The following EPHB2 variants were observed in gnomAD, a reference collection of about 807,000 sequenced individuals.
EPHB2 encodes ephrin type-B receptor 2.
EPHB2 carries 18 observed loss-of-function variants against 96.4 expected under a neutral mutation model. The ratio of observed to expected loss-of-function variants is 0.19; its 90% CI spans 0.13 to 0.28. EPHB2 has a LOEUF of 0.28. EPHB2 is among the 10% of genes least tolerant of loss of function. The pLI, the probability that EPHB2 is intolerant of heterozygous loss-of-function variation, is 1.00. For synonymous variants in EPHB2, 506 were observed against 534.1 expected, an observed-to-expected ratio of 0.95 and a Z score of 0.72; for missense variants, 989 against 1,355.4, an observed-to-expected ratio of 0.73 and a Z score of 4.25.
At chr1:22,869,720 G>T (rs548071468) in intron 5 of EPHB2, among the ~76,000 whole-genome samples, 2 of 152,162 alleles carry the variant, frequency 1.3e-5, no homozygotes, top group African/African-American at 4.8e-5. Context: ...GCCTGGAAAG[G>T]CTTTCTTATC....
chr1:22,800,702 A>ATG (rs59671872), intron 3 of EPHB2, among the ~76,000 whole-genome samples: 80,700 of 148,686 alleles, frequency 0.54, 23,320 homozygotes, highest in Non-Finnish European at 0.66. Flanking sequence ...GTGTGAGTAT[A>ATG]TGTGTGTGTG....
chr1:22,745,259 A>G (rs1212460450), intron 1 of EPHB2, among the ~76,000 whole-genome samples: 1 of 152,256 alleles, frequency 6.6e-6, no homozygotes, highest in Non-Finnish European at 1.5e-5. Flanking sequence ...ACGCAGGAAT[A>G]AAAAAGAACA....
In EPHB2 at chr1:22,860,482, A is replaced by T. The variant is rs1645777851; in HGVS notation, c.812-2555A>T. On this transcript the variant is annotated intron_variant, in intron 3 of 15. Transcript: ENST00000374630. The surrounding 1 kb of genome is among the most constrained non-coding windows in gnomAD (Gnocchi z 4.6). ...CAACAGAGCAAATGAAGGGCGGCTT[A>T]GGGCAGGGGCAGCCTGGGGAGTCTG... 6.6e-6 allele frequency among the ~76,000 whole-genome samples: 1 copy of T among 152,146 alleles called. No homozygotes were observed. The highest frequency in any genetic ancestry group is 1.5e-5 in the Non-Finnish European group (1 of 68,018).
chr1:22,732,701 G>T (rs1351796439), intron 1 of EPHB2, among the ~76,000 whole-genome samples: 2 of 152,180 alleles, frequency 1.3e-5, no homozygotes, highest in Admixed American at 1.3e-4. Flanking sequence ...GCCCTCTAAG[G>T]TCCATTAACA....
intron 6 of EPHB2, among the ~76,000 whole-genome samples, chr1:22,889,764 G>C (rs1216064644): frequency 1.3e-5 from 2 of 152,164 alleles, no homozygotes; most frequent in East Asian, 3.9e-4. Flanking sequence ...AACAGTGCTT[G>C]CAAAAACTCA....
In EPHB2 at chr1:22,785,062, G is replaced by T; in HGVS notation, c.797G>T (p.Gly266Val). ...CKAGFEAVENGTVCRGCPSGT... is the reference protein window; with the variant it reads ...CKAGFEAVENVTVCRGCPSGT... ...GCAGGCTTCGAGGCCGTTGAGAATG[G>T]CACCGTCTGCCGAGGTAAGGGCCAG... Residue 266 changes from glycine (G) to valine (V), a missense_variant, in exon 3 of 16, where the codon GGC becomes GTC. By Grantham distance (109) the Gly-to-Val change is moderately radical. Transcript: ENST00000374630. 1 of 1,613,548 alleles carries T rather than the reference G, an allele frequency of 6.2e-7. No homozygotes were observed. The highest frequency in any genetic ancestry group is 8.5e-7 in the Non-Finnish European group (1 of 1,180,054).
At chr1:22,801,421 A>G (rs1263226767) in intron 3 of EPHB2, among the ~76,000 whole-genome samples, 2 of 151,990 alleles carry the variant, frequency 1.3e-5, no homozygotes, top group African/African-American at 4.8e-5. Flanking sequence ...AGCTGGTGTT[A>G]TCCGCCTTCC....
chr1:22,855,652 A>G (rs1645687368), intron 3 of EPHB2, among the ~76,000 whole-genome samples: 1 of 152,228 alleles, frequency 6.6e-6, no homozygotes, highest in Non-Finnish European at 1.5e-5. Context: ...CACATAGCAA[A>G]TGGAGGCCAA....
intron 3 of EPHB2, among the ~76,000 whole-genome samples, chr1:22,852,868 A>G (rs1013061321): frequency 2.0e-5 from 3 of 152,202 alleles, no homozygotes; most frequent in African/African-American, 4.8e-5. Flanking sequence ...GGCTGCCCTC[A>G]TGGAGCTCAC....
intron 3 of EPHB2, among the ~76,000 whole-genome samples, chr1:22,861,453 C>T (rs1638256268): frequency 6.6e-6 from 1 of 151,806 alleles, no homozygotes. Context: ...GCCTGAGCAA[C>T]ATAGTGAGAC....
At position 22,780,428 on chromosome 1, in the gene EPHB2, T is replaced by C. The variant is rs139948295; in HGVS notation, c.62-993T>C. Among the ~76,000 whole-genome samples the C allele has an allele frequency of 8.0e-3, 1,220 of 152,214 alleles. 16 individuals carry two copies. The highest frequency in any genetic ancestry group is 0.028 in the African/African-American group (1,158 of 41,552). ...GTGCTTGCTCTCAACACTTCTCCACTCCTGGGACCCTGTCCTGGGGGCAGA... is the reference window on the plus strand; with the variant it reads ...GTGCTTGCTCTCAACACTTCTCCACCCCTGGGACCCTGTCCTGGGGGCAGA... On this transcript the variant is annotated intron_variant, in intron 1 of 15. Coordinates refer to ENST00000374630, the MANE Select transcript of EPHB2 (RefSeq NM_017449.5).
intron 12 of EPHB2, 139 bp from the exon 13 acceptor site, chr1:22,908,883 G>C: frequency 7.3e-7 from 1 of 1,363,816 alleles, no homozygotes; most frequent in East Asian, 2.5e-5. Context: ...CCAGTGGTCT[G>C]AAGCTGCATG....
intron 3 of EPHB2, among the ~76,000 whole-genome samples, chr1:22,857,829 C>G (rs1398787573): frequency 6.6e-6 from 1 of 152,116 alleles, no homozygotes; most frequent in African/African-American, 2.4e-5. Flanking sequence ...CTGTACACAT[C>G]AAGTGCCTAC....
intron 3 of EPHB2, among the ~76,000 whole-genome samples, chr1:22,830,737 A>G (rs1433529409): frequency 6.6e-6 from 1 of 150,950 alleles, no homozygotes; most frequent in Admixed American, 6.6e-5. Context: ...TTGTATTTTT[A>G]GTAGAGATGG....
chr1:22,801,063 G>C (rs1644836267), intron 3 of EPHB2, among the ~76,000 whole-genome samples: 1 of 152,206 alleles, frequency 6.6e-6, no homozygotes, highest in African/African-American at 2.4e-5. Context: ...GGGGTACAGG[G>C]GGCAGGCTCC....
At chr1:22,727,193 GC>G (rs901447388) in intron 1 of EPHB2, among the ~76,000 whole-genome samples, 1 of 152,212 alleles carries the variant, frequency 6.6e-6, no homozygotes, top group African/African-American at 2.4e-5. Context: ...CAAGCTGGAG[GC>G]CAGGAGGGGC....
At chr1:22,819,647 G>A (rs1403386098) in intron 3 of EPHB2, among the ~76,000 whole-genome samples, 1 of 152,182 alleles carries the variant, frequency 6.6e-6, no homozygotes, top group African/African-American at 2.4e-5. Context: ...TTGACATGTC[G>A]TCACTGTCCC....
At chr1:22,832,897 C>CAG (rs10675382) in intron 3 of EPHB2, among the ~76,000 whole-genome samples, 105,473 of 151,878 alleles carry the variant, frequency 0.69, 37,013 homozygotes, top group East Asian at 0.87. Flanking sequence ...GTATAAGTAA[C>CAG]AGTCATGCAT....
intron 2 of EPHB2, among the ~76,000 whole-genome samples, chr1:22,783,854 G>A (rs10917297): frequency 0.12 from 19,013 of 152,104 alleles, 1,827 homozygotes; most frequent in East Asian, 0.55. Context: ...CCAGAGCAGA[G>A]CTGTTCTCAT....
Sources: allele counts gnomAD v4.1 joint callset (sites outside exome capture counted in the v4.1 genomes callset), GRCh38; gene constraint gnomAD v4.1.1; non-coding constraint Gnocchi (gnomAD v3.1); transcripts MANE v1.5; gene names NCBI Gene and HGNC (gene_info 2026-07-23, HGNC 2026-07-21).